NLGN1: variants seen among roughly 807,000 people sequenced by gnomAD.
NLGN1 encodes neuroligin-1.
NLGN1 carries 12 observed loss-of-function variants against 65.5 expected under a neutral mutation model. That is an observed-to-expected ratio of 0.18 (90% CI 0.12 to 0.30). The LOEUF (loss-of-function observed/expected upper bound fraction) is 0.30. NLGN1 is among the 10% of genes least tolerant of loss of function. NLGN1 has a pLI of 1.00. For synonymous variants in NLGN1, 350 were observed against 359.5 expected (o/e 0.97, Z 0.30); for missense variants, 750 against 1,007.1 (o/e 0.74, Z 3.46).
intron 4 of NLGN1, among the ~76,000 whole-genome samples, chr3:174,049,505 A>G (rs577940160): frequency 1.2e-4 from 19 of 152,098 alleles, no homozygotes; most frequent in African/African-American, 3.9e-4. Flanking sequence ...GTAGAAATGA[A>G]AAGATCCAGA....
intron 2 of NLGN1, among the ~76,000 whole-genome samples, chr3:173,477,975 G>T (rs751133186): frequency 6.6e-6 from 1 of 152,102 alleles, no homozygotes; most frequent in Non-Finnish European, 1.5e-5. Context: ...TTAGTTCAAC[G>T]TTTGTGGAAG....
At chr3:173,926,020 T>C (rs1431441838) in intron 4 of NLGN1, among the ~76,000 whole-genome samples, 1 of 152,012 alleles carries the variant, frequency 6.6e-6, no homozygotes, top group Non-Finnish European at 1.5e-5. Flanking sequence ...ATTAGAATCT[T>C]GGTATACTAA....
chr3:173,406,707 C>T (rs1437821659), intron 1 of NLGN1, among the ~76,000 whole-genome samples: 1 of 151,786 alleles, frequency 6.6e-6, no homozygotes, highest in Admixed American at 6.6e-5. Flanking sequence ...AGCGTTTCTT[C>T]CCTGTATTGT....
downstream of NLGN1, among the ~76,000 whole-genome samples, chr3:174,291,211 G>GA (rs1752733301): frequency 6.7e-6 from 1 of 149,374 alleles, no homozygotes; most frequent in South Asian, 2.1e-4. Context: ...GGAGAAATAA[G>GA]AAAAAAAATC....
chr3:173,510,367 C>T (rs1383418074), intron 2 of NLGN1, among the ~76,000 whole-genome samples: 1 of 152,150 alleles, frequency 6.6e-6, no homozygotes, highest in African/African-American at 2.4e-5. Flanking sequence ...GATTAAATGA[C>T]ACTTAGTAAT....
At chr3:173,946,836 CAT>C (rs1357134443) in intron 4 of NLGN1, among the ~76,000 whole-genome samples, 18 of 152,082 alleles carry the variant, frequency 1.2e-4, no homozygotes, top group Admixed American at 3.3e-4. Flanking sequence ...AAATGCTTGT[CAT>C]ATGTTTAATG....
chr3:173,868,670 C>A (rs1456999265), intron 4 of NLGN1, among the ~76,000 whole-genome samples: 1 of 152,116 alleles, frequency 6.6e-6, no homozygotes, highest in Non-Finnish European at 1.5e-5. Context: ...AAAGTCTACA[C>A]CAGTGGCTCC....
chr3:173,892,475 C>A (rs184775283), intron 4 of NLGN1, among the ~76,000 whole-genome samples: 2 of 151,392 alleles, frequency 1.3e-5, no homozygotes, highest in East Asian at 2.0e-4. Context: ...ATCAGTAGCC[C>A]CAGTTTACAG....
chr3:173,555,034 A>G (rs1056955992), intron 2 of NLGN1, among the ~76,000 whole-genome samples: 1 of 152,152 alleles, frequency 6.6e-6, no homozygotes, highest in Non-Finnish European at 1.5e-5. Context: ...TCTGTGTGCT[A>G]ATTGACCATG....
At chr3:174,278,268 A>C (rs575798208) in intron 5 of NLGN1, among the ~76,000 whole-genome samples, 1 of 152,106 alleles carries the variant, frequency 6.6e-6, no homozygotes, top group Non-Finnish European at 1.5e-5. Context: ...TGACATGAAG[A>C]TCTGGAAAGA....
chr3:173,975,204 T>G (rs1030698842), intron 4 of NLGN1, among the ~76,000 whole-genome samples: 1 of 152,040 alleles, frequency 6.6e-6, no homozygotes, highest in African/African-American at 2.4e-5. Flanking sequence ...AAGTACAATC[T>G]AGTTTATGTA....
intron 4 of NLGN1, among the ~76,000 whole-genome samples, chr3:174,243,424 C>G (rs541090400): frequency 7.2e-5 from 11 of 152,256 alleles, no homozygotes; most frequent in African/African-American, 2.6e-4. Context: ...GCTGCCGCCA[C>G]AAAGCAACAC....
At chr3:174,038,825 A>T (rs1731672372) in intron 4 of NLGN1, among the ~76,000 whole-genome samples, 1 of 152,052 alleles carries the variant, frequency 6.6e-6, no homozygotes, top group Non-Finnish European at 1.5e-5. Flanking sequence ...AACCCTTCAC[A>T]CTCTTCAAAG....
chr3:173,985,614 G>A (rs957958475), intron 4 of NLGN1, among the ~76,000 whole-genome samples: 2 of 152,204 alleles, frequency 1.3e-5, no homozygotes, highest in Non-Finnish European at 2.9e-5. Context: ...GAAAGTTCAT[G>A]TACCCCTGAA....
intron 4 of NLGN1, among the ~76,000 whole-genome samples, chr3:173,995,710 A>C (rs1302742812): frequency 6.9e-6 from 1 of 145,484 alleles, no homozygotes; most frequent in Non-Finnish European, 1.5e-5. Flanking sequence ...TTTTAGAGAC[A>C]GGATCTCACT....
chr3:173,608,467 T>G (rs1360231024), intron 3 of NLGN1, among the ~76,000 whole-genome samples: 1 of 151,902 alleles, frequency 6.6e-6, no homozygotes, highest in Non-Finnish European at 1.5e-5. Context: ...ATATTAGGTG[T>G]TTTGCGTAAT....
intron 2 of NLGN1, among the ~76,000 whole-genome samples, chr3:173,539,359 G>T (rs1738022627): frequency 6.8e-6 from 1 of 147,424 alleles, no homozygotes; most frequent in African/African-American, 2.5e-5. Flanking sequence ...GATCTGTTTG[G>T]GCTCCATCAT....
intron 2 of NLGN1, among the ~76,000 whole-genome samples, chr3:173,472,665 C>T (rs187141480): frequency 5.0e-4 from 76 of 151,978 alleles, no homozygotes; most frequent in Middle Eastern, 6.8e-3. Flanking sequence ...TTAATACTTT[C>T]CCTTTTTATT....
chr3:173,651,640 A>G (rs1174118606), intron 3 of NLGN1, among the ~76,000 whole-genome samples: 1 of 152,120 alleles, frequency 6.6e-6, no homozygotes, highest in East Asian at 1.9e-4. Flanking sequence ...TTTTGACTTT[A>G]ATAATAGCCA....
Sources: gnomAD v4.1 joint callset for allele counts (sites outside exome capture counted in the v4.1 genomes callset) on GRCh38, gnomAD v4.1.1 for gene constraint, MANE v1.5 for transcripts, NCBI Gene and HGNC (gene_info 2026-07-23, HGNC 2026-07-21) for gene names.